Variants in C6orf89 observed in about 807,000 individuals in gnomAD.
C6orf89 encodes bombesin receptor-activated protein C6orf89.
Under a neutral mutation model 40.7 loss-of-function variants are expected in C6orf89, and 29 were observed. That is an observed-to-expected ratio of 0.71 (90% confidence interval 0.53 to 0.97). The LOEUF is 0.97. Among genes scored for constraint, C6orf89 ranks in the 50% least tolerant of loss-of-function variants. The pLI, the probability that C6orf89 is intolerant of heterozygous loss-of-function variation, is 0.00. For missense variants in C6orf89, 392 were observed against 429.1 expected, an observed-to-expected ratio of 0.91 and a Z score of 0.76; for synonymous variants, 165 against 152.2, an observed-to-expected ratio of 1.08 and a Z score of -0.62.
chr6:36,921,874 C>T (rs1762522206), intron 8 of C6orf89, among the ~76,000 whole-genome samples: 1 of 151,966 alleles, frequency 6.6e-6, no homozygotes, highest in South Asian at 2.1e-4. Flanking sequence ...CCCAAAATTA[C>T]AAAATTAGCC....
intron 6 of C6orf89, among the ~76,000 whole-genome samples, chr6:36,915,119 T>C (rs942304809): frequency 6.6e-6 from 1 of 152,054 alleles, no homozygotes; most frequent in Non-Finnish European, 1.5e-5. Context: ...AATCCAATGC[T>C]GGGATCCCAC....
chr6:36,890,351 A>G (rs1280374637), intron 1 of C6orf89, among the ~76,000 whole-genome samples: 3 of 151,930 alleles, frequency 2.0e-5, no homozygotes, highest in Admixed American at 6.6e-5. Flanking sequence ...CTTTGCTTCT[A>G]TGAGTTTAGC....
rs553496446 is a variant in C6orf89 at position 36,880,622 on chromosome 6, G to T, written c.-503+1490G>T. Among the ~76,000 whole-genome samples the T allele has an allele frequency of 4.6e-5, 7 of 152,256 alleles. No individual in the cohort carries two copies. The South Asian group carries it at 1.2e-3, about 27-fold the overall frequency. On this transcript the variant is annotated intron_variant, in intron 2 of 9. Transcript: ENST00000359359. ...AAGACATTTTGTCTAAATTATGCAG[G>T]TCAGATATTAGCTTTGCTATATGCT...
upstream of C6orf89, among the ~76,000 whole-genome samples, chr6:36,882,769 C>T (rs1181710874): frequency 1.1e-4 from 14 of 130,838 alleles, no homozygotes; most frequent in Non-Finnish European, 1.9e-4. Context: ...CTCGCTCTGT[C>T]GCCCAGGCGG....
intron 3 of C6orf89, among the ~76,000 whole-genome samples, chr6:36,899,849 G>A (rs967576551): frequency 1.3e-5 from 2 of 152,150 alleles, no homozygotes; most frequent in Non-Finnish European, 2.9e-5. Flanking sequence ...TTATATTTGT[G>A]TAATATTATT....
chr6:36,921,096 T>G (rs545227024), intron 8 of C6orf89, among the ~76,000 whole-genome samples: 3 of 152,262 alleles, frequency 2.0e-5, no homozygotes, highest in African/African-American at 7.2e-5. Flanking sequence ...CTGGCTGGTT[T>G]GTTGACTAGA....
intron 1 of C6orf89, chr6:36,874,923 TTCCAATGCCGGGAAGCTGGGG>T (rs1774611161): frequency 1.2e-6 from 1 of 800,942 alleles, no homozygotes; most frequent in Non-Finnish European, 2.0e-6. Flanking sequence ...CGGTCCCTTC[TTCCAATGCCGGGAAGCTGGGG>T]TGGGAGACGA....
At chr6:36,902,883 G>A (rs756185142) in intron 4 of C6orf89, among the ~76,000 whole-genome samples, 13 of 152,076 alleles carry the variant, frequency 8.5e-5, no homozygotes, top group Non-Finnish European at 1.9e-4. Flanking sequence ...TTTTGTCTGG[G>A]TATATCCCAC....
intron 2 of C6orf89, among the ~76,000 whole-genome samples, chr6:36,897,951 T>C (rs957288544): frequency 4.6e-5 from 7 of 152,284 alleles, no homozygotes; most frequent in African/African-American, 1.7e-4. Context: ...TGAAAATAAA[T>C]ATATAAATAA....
At chr6:36,892,411 T>A (rs1170250411) in intron 1 of C6orf89, among the ~76,000 whole-genome samples, 1 of 152,190 alleles carries the variant, frequency 6.6e-6, no homozygotes, top group Non-Finnish European at 1.5e-5. Flanking sequence ...GGCGTGATCG[T>A]AACTCACTGA....
At chr6:36,878,339 T>C (rs1039606737) in intron 1 of C6orf89, among the ~76,000 whole-genome samples, 1 of 152,198 alleles carries the variant, frequency 6.6e-6, no homozygotes, top group Non-Finnish European at 1.5e-5. Context: ...CCAGTAGTAT[T>C]TTGTTTGCAG....
intron 2 of C6orf89, among the ~76,000 whole-genome samples, chr6:36,879,772 T>C (rs763052788): frequency 7.2e-5 from 11 of 152,168 alleles, no homozygotes; most frequent in Admixed American, 5.9e-4. Flanking sequence ...GTCTCCATCT[T>C]GTTTTATGTC....
At chr6:36,880,802 T>C (rs1469063945) in intron 2 of C6orf89, among the ~76,000 whole-genome samples, 1 of 152,246 alleles carries the variant, frequency 6.6e-6, no homozygotes, top group Non-Finnish European at 1.5e-5. Context: ...AAGGATGTTG[T>C]ATGGTAAATT....
chr6:36,901,663 TTTATTTATTTTTA>T (rs1412422997), intron 3 of C6orf89, among the ~76,000 whole-genome samples: 1 of 146,536 alleles, frequency 6.8e-6, no homozygotes, highest in East Asian at 2.1e-4. Flanking sequence ...ATTATTTTTA[TTTATTTATTTTTA>T]TTTTTTTTTT....
At chr6:36,901,321 ATTTTTTTTTTTTTTTT>A (rs60381134) in intron 3 of C6orf89, among the ~76,000 whole-genome samples, 4 of 19,026 alleles carry the variant, frequency 2.1e-4, no homozygotes, top group South Asian at 4.9e-3. Flanking sequence ...TATTATTATT[ATTTTTTTTTTTTTTTT>A]TTTTTTTTTT....
At chr6:36,908,886 G>A (rs1178449568) in intron 4 of C6orf89, among the ~76,000 whole-genome samples, 1 of 152,156 alleles carries the variant, frequency 6.6e-6, no homozygotes, top group African/African-American at 2.4e-5. Flanking sequence ...CATAACTTCA[G>A]CCTCTGCCTT....
chr6:36,893,482 A>G (rs1392326803), intron 1 of C6orf89, among the ~76,000 whole-genome samples: 3 of 152,226 alleles, frequency 2.0e-5, no homozygotes, highest in African/African-American at 4.8e-5. Flanking sequence ...TAACTTGAGA[A>G]ATGTGTCATA....
chr6:36,901,408 C>T (rs1761706512), intron 3 of C6orf89, among the ~76,000 whole-genome samples: 2 of 133,494 alleles, frequency 1.5e-5, no homozygotes, highest in Admixed American at 1.7e-4. Flanking sequence ...GATCTTGGCT[C>T]ACTGCAAGCT....
Position 36,897,426 on chromosome 6 carries a change from G to GA in C6orf89, c.-19-1993dup, listed in dbSNP as rs529955050. ...CTGTATTTTCAATCCTGGGTTGGTAGAAAAAAATCAGCTTTTAAGTGTATC... is the reference window on the plus strand; with the variant it reads ...CTGTATTTTCAATCCTGGGTTGGTAGAAAAAAAATCAGCTTTTAAGTGTATC... On this transcript the variant is annotated intron_variant, in intron 2 of 8. Transcript: ENST00000480824. Among the ~76,000 whole-genome samples, 11 of 152,204 alleles carry GA rather than the reference G, an allele frequency of 7.2e-5. No individual in the cohort carries two copies. The South Asian group carries it at 2.3e-3, about 32-fold the overall frequency.
Sources: gnomAD v4.1 joint callset for allele counts (sites outside exome capture counted in the v4.1 genomes callset) on GRCh38, gnomAD v4.1.1 for gene constraint, MANE v1.5 for transcripts, NCBI Gene and HGNC (gene_info 2026-07-23, HGNC 2026-07-21) for gene names.